The following NARF variants were observed in gnomAD, a reference collection of about 807,000 sequenced individuals.
The protein encoded by NARF is iron-only hydrogenase-like protein 2.
A neutral mutation model predicts 48.0 loss-of-function variants in NARF; 41 were observed. The observed-to-expected ratio is 0.85, with a 90% CI of 0.66 to 1.11. The LOEUF is 1.11. Among genes scored for constraint, NARF ranks in the 50% least tolerant of loss-of-function variants. The pLI is 0.00. For synonymous variants in NARF, 215 were observed against 225.5 expected (o/e 0.95, Z 0.42); for missense variants, 613 against 590.2 (o/e 1.04, Z -0.40).
At chr17:82,475,252 G>T (rs960770016) in intron 5 of NARF, among the ~76,000 whole-genome samples, 2 of 152,288 alleles carry the variant, frequency 1.3e-5, no homozygotes, top group South Asian at 2.1e-4. Context: ...GGAAGAGGCC[G>T]TGTAAAATGA....
chr17:82,474,517 A>G lies in NARF; in HGVS notation c.520+1819A>G, dbSNP rs140683830. The stretch of plus-strand genomic sequence containing the variant: ...AACACTAGTTAAAAATTATTCTACT[A>G]CATGAGGCCTGTGGGAGCATAGGAG... On this transcript the variant is annotated intron_variant, in intron 5 of 10. Coordinates refer to ENST00000309794, the MANE Select transcript of NARF (RefSeq NM_012336.4). Among the ~76,000 whole-genome samples the G allele has an allele frequency of 3.1e-3, 467 of 152,326 alleles. 2 individuals are homozygous for G. The highest frequency in any genetic ancestry group is 0.014 in the Middle Eastern group (4 of 294).
At chr17:82,484,755 C>CT in intron 8 of NARF, 58 bp from the exon 9 acceptor site, 2 of 1,508,008 alleles carry the variant, frequency 1.3e-6, no homozygotes, top group Non-Finnish European at 1.8e-6. Flanking sequence ...TGGTTTCACT[C>CT]TTTCTGTCAC....
rs2044173064 is a variant in NARF, at chr17:82,490,197, A to C, written c.*2040A>C. The C allele has an allele frequency of 6.6e-6, 1 of 152,274 alleles. No individual in the cohort carries two copies. The highest frequency in any genetic ancestry group is 1.9e-4 in the East Asian group (1 of 5,194). The allele number at this position is 152,274 out of a possible 1,614,324, so 9.4% of individuals were successfully genotyped here. ...GTGAAACAGAGCTGGCAGACGCCTG[A>C]AACTCCATGGAACCATGCAGCTGTA... On this transcript the variant is annotated 3_prime_UTR_variant, in exon 11 of 11. Coordinates refer to ENST00000309794, the MANE Select transcript of NARF (RefSeq NM_012336.4).
At position 82,484,952 on chromosome 17, in the gene NARF, T is replaced by C. The variant is rs758295211; in HGVS notation, c.971+2T>C. ...GGAGGTCACTTACCGAGCCCTGAGGTGTGGGGCAGTATCCACAGCCTGTCT... is the reference window on the plus strand; with the variant it reads ...GGAGGTCACTTACCGAGCCCTGAGGCGTGGGGCAGTATCCACAGCCTGTCT... On this transcript the variant is annotated splice_donor_variant, in intron 9 of 10. Coordinates refer to ENST00000309794, the MANE Select transcript of NARF (RefSeq NM_012336.4). LOFTEE classifies it high-confidence loss of function. 2.5e-6 allele frequency: 4 copies of C among 1,599,918 alleles called. No individual in the cohort carries two copies. The East Asian group carries it at 9.0e-5, about 36-fold the overall frequency.
In NARF at chr17:82,488,022, G is replaced by A. The variant is rs200822412; in HGVS notation, c.1236G>A (p.Pro412=). 3.8e-5 allele frequency: 61 copies of A among 1,614,070 alleles called. No homozygotes were observed. Among genetic ancestry groups the A allele is most frequent in the African/African-American group, 5.3e-5 (4 of 74,942 alleles). Residue 412 remains proline, a synonymous_variant, in exon 11 of 11, where the codon CCG becomes CCA. Coordinates refer to ENST00000309794, the MANE Select transcript of NARF (RefSeq NM_012336.4). ...ACGCTGACATCCCTGTGCGGCGTCC[G>A]GAGTCCAGTGCACACGTGCAGGAGC... ...GIYADIPVRR[P]ESSAHVQELY...
chr17:82,458,793 C>A lies in NARF; in HGVS notation c.-11C>A. On this transcript the variant is annotated 5_prime_UTR_variant, in exon 1 of 11. Transcript: ENST00000309794. ...GCTGAGGCGCCCGGCCTCCCGCCCGCCGCGCTCCAGATGAAGTGTGAGCAC... is the reference window on the plus strand; with the variant it reads ...GCTGAGGCGCCCGGCCTCCCGCCCGACGCGCTCCAGATGAAGTGTGAGCAC... 1 of 1,463,374 alleles carries A rather than the reference C, an allele frequency of 6.8e-7. No homozygotes were observed. Among genetic ancestry groups the A allele is most frequent in the Admixed American group, 2.7e-5 (1 of 37,172 alleles). The allele number at this position is 1,463,374 out of a possible 1,614,324, so 90.6% of individuals were successfully genotyped here. A position where few individuals can be genotyped will look rare whatever the true frequency, so the allele number is the denominator to read the frequency against.
intron 7 of NARF, chr17:82,482,174 G>T: frequency 2.8e-6 from 1 of 355,544 alleles, no homozygotes; most frequent in Non-Finnish European, 5.5e-6. Context: ...TTAGATCAGT[G>T]GTAGATGAGG....
upstream of NARF, chr17:82,458,515 G>T: frequency 5.2e-6 from 2 of 386,090 alleles, no homozygotes; most frequent in Non-Finnish European, 9.2e-6. Flanking sequence ...CGCCGTACGT[G>T]GAGTGAGCCT....
Position 82,459,817 on chromosome 17 carries a change from C to T in NARF, c.28-175C>T, listed in dbSNP as rs1567925594. ...CCGGGAGGTGGAGGCTGCAGTGAGC[C>T]GAGATTGCGCCCCTGCACTCCAGCC... On this transcript the variant is annotated intron_variant, in intron 1 of 10. Transcript: ENST00000309794. Among the ~76,000 whole-genome samples, 4 of 152,042 alleles carry T rather than the reference C, an allele frequency of 2.6e-5. 1 individual carries two copies. The South Asian group carries it at 6.2e-4, about 24-fold the overall frequency.
At chr17:82,460,988 C>T (rs564131492) in intron 2 of NARF, 1 of 152,280 alleles carries the variant, frequency 6.6e-6, no homozygotes, top group East Asian at 1.9e-4. Flanking sequence ...CTGTATGGCT[C>T]ACCGCAGCCT....
intron 10 of NARF, 63 bp from the exon 11 acceptor site, chr17:82,487,853 C>G (rs966573189): frequency 6.4e-7 from 1 of 1,559,242 alleles, no homozygotes. Flanking sequence ...TCTAGCTGCT[C>G]AGGAAGCTAA....
intron 5 of NARF, among the ~76,000 whole-genome samples, chr17:82,474,030 CAAAA>C (rs922181708): frequency 6.7e-6 from 1 of 150,242 alleles, no homozygotes; most frequent in Non-Finnish European, 1.5e-5. Flanking sequence ...CAAAAAAAAA[CAAAA>C]AAAAGCCAGG....
In NARF at chr17:82,468,895, TG is replaced by T. The variant is rs1472202215; in HGVS notation, c.385+1del. On this transcript the variant is annotated frameshift_variant and splice_region_variant, in exon 4 of 11. Coordinates refer to ENST00000309794, the MANE Select transcript of NARF (RefSeq NM_012336.4). LOFTEE classifies it high-confidence loss of function. The stretch of plus-strand genomic sequence containing the variant: ...GACTCTGTGGTTTCCTCAAAAGTCT[TG>T]GTGAGTCATCTTTTGATAAATTGGG... ...RRLCGFLKSL[G>X]VHYVFDTTIA... 1 of 1,612,994 alleles carries T rather than the reference TG, an allele frequency of 6.2e-7. No homozygotes were observed. Among genetic ancestry groups the T allele is most frequent in the East Asian group, 2.2e-5 (1 of 44,880 alleles).
intron 6 of NARF, among the ~76,000 whole-genome samples, chr17:82,479,445 C>T (rs1406787263): frequency 4.6e-5 from 7 of 152,224 alleles, no homozygotes; most frequent in African/African-American, 1.2e-4. Flanking sequence ...GAGTGAGTCC[C>T]GGCCTGAGGC....
At chr17:82,466,288 C>T (rs2043565570) in intron 3 of NARF, among the ~76,000 whole-genome samples, 1 of 152,050 alleles carries the variant, frequency 6.6e-6, no homozygotes, top group South Asian at 2.1e-4. Flanking sequence ...CAGTTTTTTC[C>T]CCCCTGATAC....
intron 6 of NARF, chr17:82,480,623 G>A: frequency 4.7e-6 from 2 of 423,526 alleles, no homozygotes. Flanking sequence ...ACCCACAACA[G>A]TCCCAGCCCC....
intron 5 of NARF, among the ~76,000 whole-genome samples, chr17:82,474,136 C>T (rs371187158): frequency 6.6e-6 from 1 of 152,158 alleles, no homozygotes; most frequent in Admixed American, 6.6e-5. Flanking sequence ...AGCTATGACT[C>T]CTCCATTGTA....
intron 5 of NARF, 165 bp from the exon 6 acceptor site, chr17:82,478,635 G>A (rs369705506): frequency 4.1e-5 from 30 of 734,226 alleles, no homozygotes; most frequent in Middle Eastern, 2.3e-4. Flanking sequence ...CCGGGCCACC[G>A]AGGACGGGTT....
chr17:82,490,162 A>G lies in NARF; in HGVS notation c.*2005A>G, dbSNP rs2044172397. 6.6e-6 allele frequency: 1 copy of G among 152,266 alleles called. No individual in the cohort carries two copies. The highest frequency in any genetic ancestry group is 6.5e-5 in the Admixed American group (1 of 15,290). 9.4% of individuals were successfully genotyped at this position (152,266 alleles called of 1,614,324 possible). A position where few individuals can be genotyped will look rare whatever the true frequency, so the allele number is the denominator to read the frequency against. On this transcript the variant is annotated 3_prime_UTR_variant, in exon 11 of 11. Transcript: ENST00000309794. The stretch of plus-strand genomic sequence containing the variant: ...TTTTTAAAAAGGAGAAAGCAGTTTA[A>G]CCACAAACAGTGAAACAGAGCTGGC...
Sources: gnomAD v4.1 joint callset for allele counts (sites outside exome capture counted in the v4.1 genomes callset) on GRCh38, gnomAD v4.1.1 for gene constraint, MANE v1.5 for transcripts, NCBI Gene and HGNC (gene_info 2026-07-23, HGNC 2026-07-21) for gene names.